LMLN: variants seen among roughly 807,000 people sequenced by gnomAD.
LMLN encodes leishmanolysin like peptidase.
Under a neutral mutation model 92.3 loss-of-function variants are expected in LMLN, and 70 were observed. The observed-to-expected ratio is 0.76, with a 90% CI of 0.63 to 0.92. The LOEUF (loss-of-function observed/expected upper bound fraction) is 0.92, where lower values mean the gene tolerates loss of function less well. Among genes scored for constraint, LMLN ranks in the 40% least tolerant of loss-of-function variants. The probability of loss-of-function intolerance (pLI) is 0.00; values close to 1 mark genes in which losing one functional copy is unlikely to be tolerated. For missense variants in LMLN, 691 were observed against 814.6 expected, an observed-to-expected ratio of 0.85 and a Z score of 1.85; for synonymous variants, 308 against 296.2, an observed-to-expected ratio of 1.04 and a Z score of -0.41.
At chr3:198,002,267 A>G (rs1003174210) in intron 11 of LMLN, among the ~76,000 whole-genome samples, 3 of 151,992 alleles carry the variant, frequency 2.0e-5, no homozygotes, top group East Asian at 1.9e-4. Context: ...AACTGAGACT[A>G]TAAGTACACA....
intron 9 of LMLN, among the ~76,000 whole-genome samples, chr3:197,991,206 T>G (rs1296314376): frequency 6.6e-6 from 1 of 150,828 alleles, no homozygotes; most frequent in Non-Finnish European, 1.5e-5. Flanking sequence ...TGCGCCAAAG[T>G]GATCCTCCTA....
At chr3:197,963,939 G>C (rs558163800) in intron 1 of LMLN, among the ~76,000 whole-genome samples, 1 of 152,268 alleles carries the variant, frequency 6.6e-6, no homozygotes, top group East Asian at 1.9e-4. Flanking sequence ...GATTGAGAAA[G>C]CTCCCTTTGG....
chr3:197,986,954 C>T (rs1208978545), intron 8 of LMLN, among the ~76,000 whole-genome samples: 1 of 150,314 alleles, frequency 6.7e-6, no homozygotes, highest in Admixed American at 6.6e-5. Flanking sequence ...ATTCTCCTGC[C>T]TCAGCCTCCC....
At chr3:197,992,784 T>TTTA (rs150430239) in intron 9 of LMLN, among the ~76,000 whole-genome samples, 1 of 152,176 alleles carries the variant, frequency 6.6e-6, no homozygotes, top group African/African-American at 2.4e-5. Flanking sequence ...ACTTTTTTTT[T>TTTA]ACCAGGGCAG....
At position 198,019,762 on chromosome 3, in the gene LMLN, TG is replaced by T. The variant is rs1415489354; in HGVS notation, c.1365+378del. On this transcript the variant is annotated intron_variant, in intron 12 of 15. Transcript: ENST00000330198. This position sits in a 1 kb window ranked among gnomAD's most constrained non-coding sequence, Gnocchi z 5.5. ...AGTTAATTAGAAGACTTGGAAACCC[TG>T]CTTTGGAAAAGATTTGATTCATGGG... 1.3e-5 allele frequency among the ~76,000 whole-genome samples: 2 copies of T among 152,254 alleles called. No homozygotes were observed. Among genetic ancestry groups the T allele is most frequent in the Non-Finnish European group, 2.9e-5 (2 of 68,040 alleles).
At chr3:198,017,526 G>T (rs1722673299) in intron 11 of LMLN, among the ~76,000 whole-genome samples, 1 of 152,168 alleles carries the variant, frequency 6.6e-6, no homozygotes, top group African/African-American at 2.4e-5. Context: ...AGCTCATTTG[G>T]TGTTAATATT....
At chr3:197,968,679 C>T (rs1392246315) in intron 1 of LMLN, among the ~76,000 whole-genome samples, 1 of 152,202 alleles carries the variant, frequency 6.6e-6, no homozygotes, top group East Asian at 1.9e-4. Context: ...TCCCTGACTT[C>T]CTGCAACACA....
At chr3:197,980,299 G>A in intron 5 of LMLN, 27 bp from the exon 6 acceptor site, 1 of 1,595,070 alleles carries the variant, frequency 6.3e-7, no homozygotes, top group Non-Finnish European at 8.6e-7. Context: ...CTCTGTTCTG[G>A]CTTTCTGATG....
chr3:197,976,634 C>T (rs754234856), exon 5 of LMLN: 37 of 1,598,672 alleles, frequency 2.3e-5, no homozygotes, highest in Non-Finnish European at 2.8e-5. Context: ...GGAAGGAAAA[C>T]GATCCTCACA....
chr3:198,019,206 G>A lies in LMLN; in HGVS notation c.1233-47G>A, dbSNP rs1722717371. On this transcript the variant is annotated intron_variant, in intron 11 of 15. Coordinates refer to ENST00000330198, the Ensembl canonical transcript of LMLN. This position sits in a 1 kb window ranked among gnomAD's most constrained non-coding sequence, Gnocchi z 5.5. ...TTGTTGGCTGTATAATGGACTTGCAGTATTTTCTTTAAAGTTTGATACCAT... is the reference window on the plus strand; with the variant it reads ...TTGTTGGCTGTATAATGGACTTGCAATATTTTCTTTAAAGTTTGATACCAT... 1 of 1,561,602 alleles carries A rather than the reference G, an allele frequency of 6.4e-7. No homozygotes were observed. The highest frequency in any genetic ancestry group is 2.0e-5 in the Admixed American group (1 of 49,800).
rs1184336819 is a variant in LMLN, at chr3:198,031,876, C to T, written c.1657-3957C>T. Among the ~76,000 whole-genome samples, 3 of 151,894 alleles carry T rather than the reference C, an allele frequency of 2.0e-5. No individual in the cohort carries two copies. The highest frequency in any genetic ancestry group is 4.2e-4 in the South Asian group (2 of 4,812). On this transcript the variant is annotated intron_variant, in intron 14 of 15. Transcript: ENST00000330198. This position sits in a 1 kb window ranked among gnomAD's most constrained non-coding sequence, Gnocchi z 4.8. Reference sequence around the variant, plus strand: ...CAGCACTTTGGGAGCCCGAGACAGGCGGATCACTTGAGGTCAAGAGTTTGA... The same window carrying T: ...CAGCACTTTGGGAGCCCGAGACAGGTGGATCACTTGAGGTCAAGAGTTTGA...
At chr3:197,999,338 A>G (rs759237045) in exon 11 of LMLN, 1 of 1,597,350 alleles carries the variant, frequency 6.3e-7, no homozygotes, top group South Asian at 1.1e-5. Flanking sequence ...AATGGAGGAC[A>G]CTGGGTAAGA....
At chr3:197,968,184 A>G (rs1422948009) in intron 1 of LMLN, among the ~76,000 whole-genome samples, 1 of 152,170 alleles carries the variant, frequency 6.6e-6, no homozygotes, top group Non-Finnish European at 1.5e-5. Context: ...TTATAAGAGT[A>G]CACTGGGCGT....
intron 1 of LMLN, among the ~76,000 whole-genome samples, chr3:197,964,972 A>C (rs1188177827): frequency 6.6e-6 from 1 of 150,770 alleles, no homozygotes; most frequent in Non-Finnish European, 1.5e-5. Context: ...GTGCCACTGC[A>C]TTCCAGCCTG....
At chr3:198,007,513 C>CT (rs1722327314) in intron 11 of LMLN, among the ~76,000 whole-genome samples, 1 of 152,074 alleles carries the variant, frequency 6.6e-6, no homozygotes, top group Non-Finnish European at 1.5e-5. Context: ...CTGTTTCTAT[C>CT]TGTTTCTGTG....
intron 9 of LMLN, among the ~76,000 whole-genome samples, chr3:197,991,579 T>C (rs1374908025): frequency 6.6e-6 from 1 of 152,170 alleles, no homozygotes; most frequent in Non-Finnish European, 1.5e-5. Context: ...GGCCTTCTCC[T>C]GATTGGGTGA....
Position 197,996,339 on chromosome 3 carries a change from T to C in LMLN, c.1155+57T>C, listed in dbSNP as rs1212526606. ...ATTTAATGAAAATAATTCATAATTA[T>C]GGTAAAACTTATTCAAGCAGGTTAT... On this transcript the variant is annotated intron_variant, in intron 10 of 15. Transcript: ENST00000330198. The C allele has an allele frequency of 1.7e-5, 19 of 1,150,714 alleles. 1 individual carries two copies. The highest frequency in any genetic ancestry group is 2.0e-4 in the Middle Eastern group (1 of 4,992). 71.3% of individuals were successfully genotyped at this position (1,150,714 alleles called of 1,614,324 possible). A position where few individuals can be genotyped will look rare whatever the true frequency, so the allele number is the denominator to read the frequency against.
chr3:198,034,676 A>G (rs1723164385), intron 14 of LMLN, among the ~76,000 whole-genome samples: 1 of 152,212 alleles, frequency 6.6e-6, no homozygotes, highest in Non-Finnish European at 1.5e-5. Flanking sequence ...GTTAGCATTA[A>G]TGTGTTTTCT....
intron 6 of LMLN, among the ~76,000 whole-genome samples, chr3:197,983,495 A>G (rs1338394085): frequency 2.0e-5 from 3 of 152,194 alleles, no homozygotes; most frequent in Non-Finnish European, 2.9e-5. Context: ...GAGAAAGGGA[A>G]TAGCAAACAG....
Sources: allele counts gnomAD v4.1 joint callset (sites outside exome capture counted in the v4.1 genomes callset), GRCh38; gene constraint gnomAD v4.1.1; non-coding constraint Gnocchi (gnomAD v3.1); transcripts MANE v1.5; gene names NCBI Gene and HGNC (gene_info 2026-07-23, HGNC 2026-07-21).